EXOC4: variants seen among roughly 807,000 people sequenced by gnomAD.
EXOC4 encodes the protein SEC8-like 1.
Under a neutral mutation model 107.2 loss-of-function variants are expected in EXOC4, and 71 were observed. That is an observed-to-expected ratio of 0.66 (90% CI 0.55 to 0.81). The LOEUF is 0.81. Ranked by LOEUF, EXOC4 falls within the 30% of genes least tolerant of loss-of-function variation. The probability of loss-of-function intolerance (pLI) is 0.00; values close to 1 mark genes in which losing one functional copy is unlikely to be tolerated. For synonymous variants in EXOC4, 456 were observed against 441.2 expected (o/e 1.03, Z -0.42); for missense variants, 1,108 against 1,189.6 (o/e 0.93, Z 1.01).
chr7:133,771,926 T>C lies in EXOC4; in HGVS notation c.1515-45399T>C, dbSNP rs144822887. Among the ~76,000 whole-genome samples, 991 of 152,044 alleles carry C rather than the reference T, an allele frequency of 6.5e-3. 7 individuals are homozygous for C. Among genetic ancestry groups the C allele is most frequent in the Non-Finnish European group, 0.01 (682 of 67,926 alleles). On this transcript the variant is annotated intron_variant, in intron 10 of 17. Transcript: ENST00000253861. The stretch of plus-strand genomic sequence containing the variant: ...CAGCTTGTTTCAAAGGAGACTCTTA[T>C]TATTCTGGAAAGAAATTAGACATCA...
intron 5 of EXOC4, among the ~76,000 whole-genome samples, chr7:133,320,571 C>T (rs896866310): frequency 6.6e-6 from 1 of 152,180 alleles, no homozygotes; most frequent in African/African-American, 2.4e-5. Context: ...ATTACATCTG[C>T]AGTCTCCTTT....
intron 10 of EXOC4, among the ~76,000 whole-genome samples, chr7:133,634,413 C>G (rs1347578766): frequency 2.0e-5 from 3 of 152,024 alleles, no homozygotes; most frequent in Non-Finnish European, 4.4e-5. Context: ...TTGCTTTACT[C>G]TTAGCCTACC....
chr7:133,943,639 C>G (rs1800483207), intron 14 of EXOC4, among the ~76,000 whole-genome samples: 2 of 152,204 alleles, frequency 1.3e-5, no homozygotes, highest in African/African-American at 4.8e-5. Flanking sequence ...TATTTTATTT[C>G]TCCCGGCACC....
At chr7:133,343,596 GT>G (rs1415362333) in intron 5 of EXOC4, among the ~76,000 whole-genome samples, 132 of 142,284 alleles carry the variant, frequency 9.3e-4, no homozygotes, top group South Asian at 2.4e-3. Context: ...TTTTAGTTCC[GT>G]TTTTTTTTTT....
At chr7:133,977,859 T>C (rs1041611297) in intron 14 of EXOC4, among the ~76,000 whole-genome samples, 2 of 152,090 alleles carry the variant, frequency 1.3e-5, no homozygotes, top group African/African-American at 4.8e-5. Context: ...CCTCTCTGAC[T>C]AAGGAAGCAG....
At chr7:133,994,009 G>A (rs1490219649) in intron 14 of EXOC4, among the ~76,000 whole-genome samples, 4 of 152,184 alleles carry the variant, frequency 2.6e-5, no homozygotes, top group Non-Finnish European at 5.9e-5. Flanking sequence ...GTAACTGTTG[G>A]TTCGCCAAAA....
At chr7:133,965,739 A>G (rs968265040) in intron 14 of EXOC4, among the ~76,000 whole-genome samples, 5 of 152,116 alleles carry the variant, frequency 3.3e-5, no homozygotes, top group South Asian at 4.1e-4. Flanking sequence ...CTTGTAGTAT[A>G]GTTTGAAGTC....
intron 7 of EXOC4, among the ~76,000 whole-genome samples, chr7:133,397,378 C>T (rs1185121626): frequency 2.0e-5 from 3 of 151,560 alleles, no homozygotes; most frequent in African/African-American, 7.3e-5. Flanking sequence ...AGGTGGTCTG[C>T]CTGCGTCGGC....
At chr7:133,932,325 C>T (rs1221717636) in intron 13 of EXOC4, among the ~76,000 whole-genome samples, 1 of 152,164 alleles carries the variant, frequency 6.6e-6, no homozygotes, top group Non-Finnish European at 1.5e-5. Context: ...AGCTCACCAT[C>T]TTAGGAACTA....
chr7:133,281,674 C>T (rs895635072), intron 2 of EXOC4, among the ~76,000 whole-genome samples: 8 of 150,278 alleles, frequency 5.3e-5, no homozygotes, highest in Non-Finnish European at 7.4e-5. Flanking sequence ...TTATCTTTTC[C>T]TTGATCCAAA....
At chr7:133,629,099 G>A (rs1585041909) in intron 9 of EXOC4, among the ~76,000 whole-genome samples, 1 of 152,164 alleles carries the variant, frequency 6.6e-6, no homozygotes, top group African/African-American at 2.4e-5. Context: ...CTTATTGAAT[G>A]TGCCTGAGAG....
At chr7:133,855,094 TATATATATAA>T (rs1316679869) in intron 11 of EXOC4, among the ~76,000 whole-genome samples, 2 of 84,424 alleles carry the variant, frequency 2.4e-5, no homozygotes, top group East Asian at 3.0e-4. Flanking sequence ...TATATATAAA[TATATATATAA>T]ATATATATAA....
chr7:133,971,334 G>GTATATATATATATATATATATATA (rs1206467959), intron 14 of EXOC4, among the ~76,000 whole-genome samples: 15 of 41,792 alleles, frequency 3.6e-4, no homozygotes, highest in South Asian at 3.0e-3. Context: ...GGGAAAATGT[G>GTATATATATATATATATATATATA]TATATATATA....
chr7:133,427,774 G>T (rs1289565097), intron 7 of EXOC4, among the ~76,000 whole-genome samples: 1 of 152,206 alleles, frequency 6.6e-6, no homozygotes, highest in Non-Finnish European at 1.5e-5. Context: ...TGTATTTCCA[G>T]TGGGTAAGGG....
At chr7:134,075,198 A>G in the EXOC4 span, among the ~76,000 whole-genome samples, 2 of 152,184 alleles carry the variant, frequency 1.3e-5, no homozygotes, top group Non-Finnish European at 2.9e-5. Flanking sequence ...AACCCTCTAG[A>G]ATTACATGCA....
At chr7:133,878,482 T>G (rs948648702) in intron 11 of EXOC4, among the ~76,000 whole-genome samples, 4 of 152,214 alleles carry the variant, frequency 2.6e-5, no homozygotes, top group Admixed American at 2.0e-4. Flanking sequence ...ATGTTTTTAG[T>G]GAGAATATAT....
intron 9 of EXOC4, among the ~76,000 whole-genome samples, chr7:133,560,623 A>T (rs1240947852): frequency 6.6e-6 from 1 of 152,154 alleles, no homozygotes; most frequent in Non-Finnish European, 1.5e-5. Context: ...CTTTCCATTT[A>T]AAAAAATCTT....
intron 7 of EXOC4, among the ~76,000 whole-genome samples, chr7:133,451,200 T>A (rs574834796): frequency 2.0e-5 from 3 of 148,108 alleles, no homozygotes. Flanking sequence ...TGGGTCCAGA[T>A]TTTTTTTTGG....
chr7:133,648,966 AAG>A lies in EXOC4; in HGVS notation c.1514+18826_1514+18827del, dbSNP rs551252628. Among the ~76,000 whole-genome samples, 7 of 152,274 alleles carry A rather than the reference AAG, an allele frequency of 4.6e-5. No homozygotes were observed. The South Asian group carries it at 1.4e-3, about 32-fold the overall frequency. ...CCTTTAATATCACAAAGAGAGATGA[AAG>A]GGATTAATTTTGTCGATGGTGGATT... On this transcript the variant is annotated intron_variant, in intron 10 of 17. Transcript: ENST00000253861.
Sources: gnomAD v4.1 joint callset for allele counts (sites outside exome capture counted in the v4.1 genomes callset) on GRCh38, gnomAD v4.1.1 for gene constraint, MANE v1.5 for transcripts, NCBI Gene and HGNC (gene_info 2026-07-23, HGNC 2026-07-21) for gene names.